PCNX2: variants seen among roughly 807,000 people sequenced by gnomAD.
The protein encoded by PCNX2 is pecanex-like protein 2.
PCNX2 carries 168 observed loss-of-function variants against 223.8 expected under a neutral mutation model. The ratio of observed to expected loss-of-function variants is 0.75; its 90% CI spans 0.66 to 0.85. The LOEUF (loss-of-function observed/expected upper bound fraction) is 0.85, where lower values mean the gene tolerates loss of function less well. PCNX2 is among the 40% of genes least tolerant of loss of function. PCNX2 has a pLI of 0.00. For synonymous variants in PCNX2, 1,006 were observed against 1,052.6 expected (o/e 0.96, Z 0.86); for missense variants, 2,507 against 2,675.5 (o/e 0.94, Z 1.39).
At chr1:233,246,641 C>T (rs1032521409) in intron 8 of PCNX2, among the ~76,000 whole-genome samples, 6 of 152,158 alleles carry the variant, frequency 3.9e-5, no homozygotes, top group South Asian at 2.1e-4. Context: ...TTCAGGGCCA[C>T]GAACTGCCAT....
In PCNX2 at chr1:233,292,202, CTTTTTTTTTTT is replaced by C. The variant is rs963996089; in HGVS notation, c.153+3113_153+3123del. 1.7e-4 allele frequency among the ~76,000 whole-genome samples: 19 copies of C among 109,492 alleles called. No individual in the cohort carries two copies. In the East Asian group the frequency reaches 4.9e-3, roughly 28 times the overall value. The allele number at this position is 109,492 out of a possible 152,430, so 71.8% of individuals were successfully genotyped here. The stretch of plus-strand genomic sequence containing the variant: ...ATAGTGAAACTTTCTTTCTTTCTTT[CTTTTTTTTTTT>C]TTTTTTTTTTTGAGATGGAGTTTTG... On this transcript the variant is annotated intron_variant, in intron 1 of 33. Transcript: ENST00000258229.
At chr1:233,026,259 A>G (rs903342523) in intron 25 of PCNX2, among the ~76,000 whole-genome samples, 2 of 152,194 alleles carry the variant, frequency 1.3e-5, no homozygotes, top group African/African-American at 4.8e-5. Context: ...TTCCAGGCAG[A>G]CAGATGACTA....
chr1:233,112,718 A>C, intron 21 of PCNX2: 4 of 693,628 alleles, frequency 5.8e-6, no homozygotes, highest in Non-Finnish European at 5.6e-6. Context: ...TTTGAACAAT[A>C]TAACTAAATT....
At chr1:233,322,940 G>A in the PCNX2 span, among the ~76,000 whole-genome samples, 1 of 150,202 alleles carries the variant, frequency 6.7e-6, no homozygotes, top group South Asian at 2.1e-4. Flanking sequence ...TTGCCTCAGA[G>A]CAACACACCA....
chr1:233,170,315 T>C (rs1679075721), intron 17 of PCNX2, among the ~76,000 whole-genome samples: 1 of 152,246 alleles, frequency 6.6e-6, no homozygotes, highest in Non-Finnish European at 1.5e-5. Context: ...CTTAGTACTC[T>C]GAGAACTTTA....
chr1:233,008,197 G>A (rs569248174), intron 28 of PCNX2, among the ~76,000 whole-genome samples: 1 of 152,242 alleles, frequency 6.6e-6, no homozygotes, highest in Admixed American at 6.5e-5. Context: ...TTACTCCATT[G>A]GCTCTAAAAT....
chr1:233,003,557 G>A (rs1214979642), intron 28 of PCNX2, among the ~76,000 whole-genome samples: 1 of 152,190 alleles, frequency 6.6e-6, no homozygotes, highest in African/African-American at 2.4e-5. Context: ...GTTAGTGGGA[G>A]TGTAAATTAG....
intron 1 of PCNX2, chr1:233,284,885 A>G (rs2103023087): frequency 3.4e-6 from 3 of 891,320 alleles, no homozygotes; most frequent in Non-Finnish European, 4.0e-6. Context: ...TCCCTCAACC[A>G]TAGTGACTGG....
chr1:233,259,203 G>A lies in PCNX2; in HGVS notation c.659C>T (p.Thr220Ile). 6.2e-7 allele frequency: 1 copy of A among 1,613,948 alleles called. No homozygotes were observed. The highest frequency in any genetic ancestry group is 1.3e-5 in the African/African-American group (1 of 75,018). ...KSVIPVKPVA[T>I]ETLINGKGKE... Reference sequence around the variant, plus strand: ...TCCTTTACCATTGATGAGAGTTTCTGTGGCAACTGGTTTTACAGGTATTAC... The same window carrying A: ...TCCTTTACCATTGATGAGAGTTTCTATGGCAACTGGTTTTACAGGTATTAC... The change falls in exon 5 of 34, where the codon ACA becomes ATA. Residue 220 changes from threonine to isoleucine, a missense_variant. Thr to Ile is a moderately conservative substitution (Grantham distance 89, BLOSUM62 -1). Transcript: ENST00000258229.
chr1:233,266,015 C>T (rs895172184), intron 1 of PCNX2, among the ~76,000 whole-genome samples: 1 of 152,200 alleles, frequency 6.6e-6, no homozygotes, highest in Non-Finnish European at 1.5e-5. Context: ...TAGCTAGCAA[C>T]CCAAGTGAGA....
At chr1:233,066,654 T>C (rs552477341) in intron 23 of PCNX2, among the ~76,000 whole-genome samples, 1 of 152,256 alleles carries the variant, frequency 6.6e-6, no homozygotes, top group East Asian at 1.9e-4. Flanking sequence ...ACCCAGGATA[T>C]GGGATCCAGG....
intron 1 of PCNX2, among the ~76,000 whole-genome samples, chr1:233,264,209 C>T (rs185600038): frequency 7.9e-4 from 121 of 152,332 alleles, no homozygotes; most frequent in Middle Eastern, 3.4e-3. Context: ...GACTATCACA[C>T]GTTCTCTGGT....
At chr1:233,267,447 C>G (rs1660399944) in intron 1 of PCNX2, among the ~76,000 whole-genome samples, 1 of 152,064 alleles carries the variant, frequency 6.6e-6, no homozygotes, top group Admixed American at 6.6e-5. Context: ...CTGTGTGCTA[C>G]CGTCACCACC....
rs757595608 is a variant in PCNX2 at position 233,227,328 on chromosome 1, T to C, written c.2402A>G (p.Gln801Arg). 7 of 1,613,766 alleles carry C rather than the reference T, an allele frequency of 4.3e-6. No homozygotes were observed. Among genetic ancestry groups the C allele is most frequent in the South Asian group, 3.3e-5 (3 of 91,076 alleles). The change falls in exon 10 of 34, where the codon CAA (glutamine) becomes CGA (arginine). Residue 801 changes from glutamine to arginine, a missense_variant. Transcript: ENST00000258229. ...DLEASSCSST[Q>R]GKFNREQFYK... ...AAACTGCTCTCGGTTAAATTTTCCT[T>C]GTGTTGAAGAACATGACGAGGCTTC...
intron 19 of PCNX2, among the ~76,000 whole-genome samples, chr1:233,149,323 T>C (rs1463676275): frequency 6.6e-6 from 1 of 152,236 alleles, no homozygotes; most frequent in African/African-American, 2.4e-5. Flanking sequence ...TTCTTCTCCA[T>C]AATTAAAAGT....
Position 233,269,229 on chromosome 1 carries a change from G to T in PCNX2, c.154-6066C>A, listed in dbSNP as rs557255571. 9.9e-5 allele frequency among the ~76,000 whole-genome samples: 15 copies of T among 152,282 alleles called. No individual in the cohort carries two copies. The East Asian group carries it at 2.7e-3, about 27-fold the overall frequency. ...AAGTTCTTGAACTTAACTGGAAAGG[G>T]AGCTGCTCAGAGCTTCACTAGATGT... On this transcript the variant is annotated intron_variant, in intron 1 of 33. Coordinates refer to ENST00000258229, the MANE Select transcript of PCNX2 (RefSeq NM_014801.4).
chr1:233,047,898 A>G (rs936404815), intron 25 of PCNX2, among the ~76,000 whole-genome samples: 7 of 152,290 alleles, frequency 4.6e-5, no homozygotes, highest in African/African-American at 1.7e-4. Flanking sequence ...CCCATCAACC[A>G]CAGAATATAC....
At chr1:233,147,449 T>C (rs1677526852) in intron 19 of PCNX2, among the ~76,000 whole-genome samples, 1 of 151,944 alleles carries the variant, frequency 6.6e-6, no homozygotes. Context: ...CATCTTCACG[T>C]TGAGTAGGCT....
At chr1:233,247,915 G>A (rs984829723) in intron 8 of PCNX2, among the ~76,000 whole-genome samples, 6 of 149,570 alleles carry the variant, frequency 4.0e-5, no homozygotes, top group Admixed American at 1.3e-4. Flanking sequence ...TTGCAGGTGT[G>A]AGCCACCATG....
Sources: allele counts gnomAD v4.1 joint callset (sites outside exome capture counted in the v4.1 genomes callset), GRCh38; gene constraint gnomAD v4.1.1; transcripts MANE v1.5; gene names NCBI Gene and HGNC (gene_info 2026-07-23, HGNC 2026-07-21).